Variants in KLHL32 observed in about 807,000 individuals in gnomAD.
KLHL32 encodes the protein kelch-like protein 32.
KLHL32 carries 35 observed loss-of-function variants against 64.8 expected under a neutral mutation model. That is an observed-to-expected ratio of 0.54 (90% confidence interval 0.41 to 0.72). The LOEUF is 0.72. KLHL32 is among the 30% of genes least tolerant of loss of function. KLHL32 has a pLI of 0.00. For synonymous variants in KLHL32, 259 were observed against 281.0 expected (o/e 0.92, Z 0.78); for missense variants, 589 against 768.5 (o/e 0.77, Z 2.76).
chr6:97,058,082 C>G (rs1041784193), intron 4 of KLHL32, among the ~76,000 whole-genome samples: 3 of 152,108 alleles, frequency 2.0e-5, no homozygotes, highest in Non-Finnish European at 4.4e-5. Flanking sequence ...TTTCTGAGCT[C>G]TCTGTTCTGT....
At chr6:97,023,605 G>T (rs1471790487) in intron 3 of KLHL32, among the ~76,000 whole-genome samples, 1 of 152,136 alleles carries the variant, frequency 6.6e-6, no homozygotes, top group Admixed American at 6.6e-5. Context: ...ATTCCTTAAC[G>T]TAGAATTTCT....
intron 3 of KLHL32, among the ~76,000 whole-genome samples, chr6:97,010,878 T>C (rs1228365526): frequency 1.3e-5 from 2 of 152,234 alleles, no homozygotes; most frequent in East Asian, 3.8e-4. Flanking sequence ...TTGGACAGCA[T>C]ATTAGAAATT....
intron 2 of KLHL32, among the ~76,000 whole-genome samples, chr6:96,974,693 T>C (rs576456314): frequency 6.6e-6 from 1 of 152,368 alleles, no homozygotes; most frequent in African/African-American, 2.4e-5. Flanking sequence ...AAGTATTTGG[T>C]TAATTTTAAG....
chr6:97,003,157 C>T (rs142409412), intron 3 of KLHL32, among the ~76,000 whole-genome samples: 106 of 152,244 alleles, frequency 7.0e-4, no homozygotes, highest in African/African-American at 2.5e-3. Context: ...TTGCCAGCAT[C>T]TGTTATTTTC....
intron 3 of KLHL32, among the ~76,000 whole-genome samples, chr6:97,015,054 C>A (rs1470703680): frequency 6.6e-6 from 1 of 152,128 alleles, no homozygotes; most frequent in Non-Finnish European, 1.5e-5. Flanking sequence ...CCTTCACTCC[C>A]TTTTTCTCTC....
At position 96,976,039 on chromosome 6, in the gene KLHL32, A is replaced by G. The variant is rs1478107796; in HGVS notation, c.66A>G (p.Glu22=). 12 of 1,595,820 alleles carry G rather than the reference A, an allele frequency of 7.5e-6. No individual in the cohort carries two copies. The highest frequency in any genetic ancestry group is 1.3e-5 in the African/African-American group (1 of 74,514). Residue 22 remains glutamate (E), a synonymous_variant, in exon 3 of 11, where the codon GAA becomes GAG. Transcript: ENST00000369261. The stretch of plus-strand genomic sequence containing the variant: ...CAGGCCAGAGGCTCTGCCACTCCGA[A>G]TCTCACAATGACAGTGTCCTGGCAG... ...MLTGQRLCHS[E]SHNDSVLAAL...
chr6:97,092,406 C>T (rs564652577), intron 6 of KLHL32, among the ~76,000 whole-genome samples: 3 of 152,278 alleles, frequency 2.0e-5, no homozygotes, highest in South Asian at 2.1e-4. Context: ...TCATCAAATT[C>T]GTACATGTGG....
At chr6:97,088,979 G>A (rs936563932) in intron 6 of KLHL32, among the ~76,000 whole-genome samples, 6 of 152,188 alleles carry the variant, frequency 3.9e-5, no homozygotes, top group Admixed American at 3.9e-4. Context: ...TGTAGAAAAA[G>A]CCTATATAGA....
intron 3 of KLHL32, among the ~76,000 whole-genome samples, chr6:96,988,964 G>A (rs1025422157): frequency 1.3e-5 from 2 of 152,112 alleles, no homozygotes; most frequent in African/African-American, 4.8e-5. Flanking sequence ...TGGGGTTGGG[G>A]GAGGGAGGAG....
the KLHL32 span, among the ~76,000 whole-genome samples, chr6:96,917,324 A>C: frequency 5.9e-5 from 9 of 152,104 alleles, no homozygotes; most frequent in Non-Finnish European, 1.2e-4. Context: ...TCTGCCTGAT[A>C]TCCTCACTGT....
intron 3 of KLHL32, among the ~76,000 whole-genome samples, chr6:97,029,668 A>C (rs1783246075): frequency 6.6e-6 from 1 of 152,156 alleles, no homozygotes; most frequent in South Asian, 2.1e-4. Flanking sequence ...AAAGGAGGTA[A>C]ATAGTCCAAT....
the KLHL32 span, among the ~76,000 whole-genome samples, chr6:96,904,486 A>G: frequency 6.6e-6 from 1 of 152,232 alleles, no homozygotes; most frequent in South Asian, 2.1e-4. Flanking sequence ...CACAAAAATT[A>G]TGAAAGAACA....
rs189469768 is a variant in KLHL32 at position 97,039,602 on chromosome 6, A to C, written c.205-1890A>C. 2.3e-3 allele frequency among the ~76,000 whole-genome samples: 270 copies of C among 116,500 alleles called. 47 individuals are homozygous for C. Among genetic ancestry groups the C allele is most frequent in the African/African-American group, 9.9e-3 (251 of 25,432 alleles). The allele number at this position is 116,500 out of a possible 152,430, so 76.4% of individuals were successfully genotyped here. ...TTTGGGAGGCTGAGGCAGGCGGATC[A>C]CAAGGTCAGGAGTTCAAGACCAGCC... On this transcript the variant is annotated intron_variant, in intron 3 of 10. Coordinates refer to ENST00000369261, the MANE Select transcript of KLHL32 (RefSeq NM_052904.4).
At chr6:97,002,432 T>C (rs1431109455) in intron 3 of KLHL32, among the ~76,000 whole-genome samples, 1 of 152,070 alleles carries the variant, frequency 6.6e-6, no homozygotes, top group Non-Finnish European at 1.5e-5. Context: ...CAAAAACAAA[T>C]ATTTTTCAAA....
At chr6:97,056,662 C>A (rs1787996280) in intron 4 of KLHL32, among the ~76,000 whole-genome samples, 1 of 152,188 alleles carries the variant, frequency 6.6e-6, no homozygotes, top group African/African-American at 2.4e-5. Flanking sequence ...CTCCCAGCCC[C>A]TACCTATACT....
chr6:97,019,167 A>T (rs1232603096), intron 3 of KLHL32, among the ~76,000 whole-genome samples: 1 of 152,260 alleles, frequency 6.6e-6, no homozygotes, highest in Non-Finnish European at 1.5e-5. Context: ...AAACAAATAT[A>T]GAAATTACAA....
intron 7 of KLHL32, 24 bp from the exon 8 acceptor site, chr6:97,127,380 C>T: frequency 6.3e-7 from 1 of 1,598,060 alleles, no homozygotes; most frequent in African/African-American, 1.3e-5. Context: ...ATGAAAAGCT[C>T]TAACACATGT....
chr6:96,939,095 G>A (rs1770963256), intron 1 of KLHL32, among the ~76,000 whole-genome samples: 1 of 152,140 alleles, frequency 6.6e-6, no homozygotes, highest in African/African-American at 2.4e-5. Context: ...TGAGACATGG[G>A]CCACACCTTA....
At chr6:96,908,815 G>T in the KLHL32 span, among the ~76,000 whole-genome samples, 2 of 151,818 alleles carry the variant, frequency 1.3e-5, no homozygotes. Context: ...GCTGACTCTA[G>T]CATGCCTCCT....
Sources: gnomAD v4.1 joint callset for allele counts (sites outside exome capture counted in the v4.1 genomes callset) on GRCh38, gnomAD v4.1.1 for gene constraint, MANE v1.5 for transcripts, NCBI Gene and HGNC (gene_info 2026-07-23, HGNC 2026-07-21) for gene names.